IL26: variants seen among roughly 807,000 people sequenced by gnomAD.
IL26 encodes interleukin-26.
In IL26, 23 loss-of-function variants were observed where a neutral mutation model predicts 21.7. That is an observed-to-expected ratio of 1.06 (90% CI 0.76 to 1.50). IL26 has a LOEUF of 1.50. Ranked by LOEUF, IL26 falls within the 40% of genes most tolerant of loss-of-function variation. The pLI, the probability that IL26 is intolerant of heterozygous loss-of-function variation, is 0.00. For missense variants in IL26, 204 were observed against 196.0 expected (o/e 1.04, Z -0.24); for synonymous variants, 63 against 67.8 (o/e 0.93, Z 0.34).
intron 3 of IL26, among the ~76,000 whole-genome samples, chr12:68,224,181 G>A (rs1592902663): frequency 6.6e-6 from 1 of 152,108 alleles, no homozygotes; most frequent in African/African-American, 2.4e-5. Flanking sequence ...ACAACTGCAG[G>A]AGGCTGGAGA....
Position 68,201,771 on chromosome 12 carries a change from C to T in IL26, c.*74G>A. On this transcript the variant is annotated 3_prime_UTR_variant, in exon 5 of 5. Transcript: ENST00000229134. ...TTAAAAAGTTTTTAAAAGAAATAGA[C>T]TGTTATAAACATATTTCTAGCAGTT... 2 of 1,001,740 alleles carry T rather than the reference C, an allele frequency of 2.0e-6. No homozygotes were observed. Among genetic ancestry groups the T allele is most frequent in the Non-Finnish European group, 2.9e-6 (2 of 681,152 alleles). The allele number at this position is 1,001,740 out of a possible 1,614,324, so 62.1% of individuals were successfully genotyped here.
At chr12:68,207,149 G>T (rs929759400) in intron 3 of IL26, among the ~76,000 whole-genome samples, 1 of 152,218 alleles carries the variant, frequency 6.6e-6, no homozygotes, top group Non-Finnish European at 1.5e-5. Flanking sequence ...TGCTGGTGTA[G>T]CTGTAGCAGG....
chr12:68,212,476 G>T (rs1414422087), intron 3 of IL26, among the ~76,000 whole-genome samples: 1 of 152,046 alleles, frequency 6.6e-6, no homozygotes, highest in African/African-American at 2.4e-5. Flanking sequence ...AGATAGCTTT[G>T]GGTAGTATTG....
intron 3 of IL26, among the ~76,000 whole-genome samples, chr12:68,211,874 A>T (rs1035738677): frequency 4.7e-4 from 72 of 152,014 alleles, no homozygotes; most frequent in African/African-American, 1.6e-3. Context: ...GAGGATTTTT[A>T]GCTTTACATA....
At chr12:68,203,131 A>T (rs541730930) in intron 3 of IL26, among the ~76,000 whole-genome samples, 1 of 152,340 alleles carries the variant, frequency 6.6e-6, no homozygotes, top group South Asian at 2.1e-4. Flanking sequence ...GAGAAGCAGC[A>T]GGCTAGTATC....
At chr12:68,220,294 T>G (rs1009985415) in intron 3 of IL26, among the ~76,000 whole-genome samples, 7 of 152,152 alleles carry the variant, frequency 4.6e-5, no homozygotes, top group African/African-American at 1.7e-4. Context: ...TGCAAAATTT[T>G]TAGGCAAAAT....
intron 3 of IL26, among the ~76,000 whole-genome samples, chr12:68,212,180 A>T (rs1242082499): frequency 2.0e-5 from 3 of 152,146 alleles, no homozygotes; most frequent in African/African-American, 7.2e-5. Context: ...TCAAAATATG[A>T]GTTGGCTGTA....
chr12:68,212,429 GCT>G, intron 3 of IL26, among the ~76,000 whole-genome samples: 1 of 152,090 alleles, frequency 6.6e-6, no homozygotes, highest in Admixed American at 6.6e-5. Context: ...TGTGAAGAAT[GCT>G]AGAAGTATCT....
chr12:68,203,833 G>A (rs1868454765), intron 3 of IL26, among the ~76,000 whole-genome samples: 1 of 152,128 alleles, frequency 6.6e-6, no homozygotes, highest in Non-Finnish European at 1.5e-5. Context: ...ACAGCAGACT[G>A]CTGTGATCAA....
At chr12:68,202,305 A>C (rs1868411386) in intron 3 of IL26, among the ~76,000 whole-genome samples, 1 of 152,246 alleles carries the variant, frequency 6.6e-6, no homozygotes, top group Non-Finnish European at 1.5e-5. Context: ...ATTACAATTA[A>C]AGCTGTGTTA....
At chr12:68,210,959 T>C (rs754782518) in intron 3 of IL26, among the ~76,000 whole-genome samples, 2 of 152,198 alleles carry the variant, frequency 1.3e-5, no homozygotes, top group Non-Finnish European at 2.9e-5. Flanking sequence ...TGAGACATAA[T>C]AGATGTAAAT....
At chr12:68,224,162 C>A (rs1027754850) in intron 3 of IL26, among the ~76,000 whole-genome samples, 11 of 152,240 alleles carry the variant, frequency 7.2e-5, no homozygotes, top group African/African-American at 2.2e-4. Flanking sequence ...TTTGTACCAT[C>A]TGCAAGCTAC....
At chr12:68,217,373 T>G (rs1019632982) in intron 3 of IL26, among the ~76,000 whole-genome samples, 1 of 152,176 alleles carries the variant, frequency 6.6e-6, no homozygotes, top group African/African-American at 2.4e-5. Flanking sequence ...AATAATTTCA[T>G]GAGTTAATAA....
chr12:68,224,660 A>G (rs1393897718), intron 3 of IL26, among the ~76,000 whole-genome samples: 1 of 143,008 alleles, frequency 7.0e-6, no homozygotes, highest in Non-Finnish European at 1.5e-5. Flanking sequence ...AAAAGAAAGA[A>G]AGAGAGAGGG....
chr12:68,206,991 G>T (rs1374440689), intron 3 of IL26, among the ~76,000 whole-genome samples: 1 of 152,070 alleles, frequency 6.6e-6, no homozygotes, highest in Non-Finnish European at 1.5e-5. Context: ...GTTTTAAATT[G>T]TCATATAATG....
intron 3 of IL26, among the ~76,000 whole-genome samples, chr12:68,222,144 A>T (rs1022583798): frequency 6.6e-6 from 1 of 152,236 alleles, no homozygotes; most frequent in Non-Finnish European, 1.5e-5. Flanking sequence ...TGATAAGAGC[A>T]TTTAAAAATC....
chr12:68,214,137 T>C (rs963658268), intron 3 of IL26, among the ~76,000 whole-genome samples: 1 of 152,200 alleles, frequency 6.6e-6, no homozygotes, highest in Admixed American at 6.5e-5. Context: ...AGCATATTAT[T>C]TAATTTCCAT....
At chr12:68,208,652 A>G (rs1868615129) in intron 3 of IL26, among the ~76,000 whole-genome samples, 1 of 151,810 alleles carries the variant, frequency 6.6e-6, no homozygotes, top group Admixed American at 6.6e-5. Flanking sequence ...ACAGGCACCC[A>G]CCACCACGCC....
chr12:68,201,972 AT>A, intron 4 of IL26, 41 bp from the exon 5 acceptor site: 1 of 1,557,574 alleles, frequency 6.4e-7, no homozygotes, highest in South Asian at 1.2e-5. Context: ...AATTTTTCCT[AT>A]TTTAAAAAAC....
Sources: gnomAD v4.1 joint callset for allele counts (sites outside exome capture counted in the v4.1 genomes callset) on GRCh38, gnomAD v4.1.1 for gene constraint, MANE v1.5 for transcripts, NCBI Gene and HGNC (gene_info 2026-07-23, HGNC 2026-07-21) for gene names.